TCF20: variants seen among roughly 807,000 people sequenced by gnomAD.
TCF20 encodes the protein SPRE-binding protein.
Under a neutral mutation model 148.6 loss-of-function variants are expected in TCF20, and 3 were observed. The observed-to-expected ratio is 0.02, with a 90% CI of 0.01 to 0.05. The LOEUF (loss-of-function observed/expected upper bound fraction) is 0.05. Ranked by LOEUF, TCF20 falls within the 10% of genes least tolerant of loss-of-function variation. TCF20 has a pLI of 1.00. For missense variants in TCF20, 2,350 were observed against 2,429.3 expected, an observed-to-expected ratio of 0.97 and a Z score of 0.69; for synonymous variants, 1,049 against 909.5, an observed-to-expected ratio of 1.15 and a Z score of -2.76.
At chr22:42,178,056 G>A (rs1347485899) in intron 3 of TCF20, among the ~76,000 whole-genome samples, 3 of 152,116 alleles carry the variant, frequency 2.0e-5, no homozygotes, top group Non-Finnish European at 4.4e-5. Context: ...ACATGATGAA[G>A]CCTCCAAAAA....
At chr22:42,241,762 G>A (rs993904570) in intron 1 of TCF20, among the ~76,000 whole-genome samples, 1 of 152,120 alleles carries the variant, frequency 6.6e-6, no homozygotes, top group Non-Finnish European at 1.5e-5. Flanking sequence ...AGGAGGCAGA[G>A]GGTGCAGTGA....
chr22:42,321,689 G>A (rs564513860), intron 1 of TCF20, among the ~76,000 whole-genome samples: 1 of 151,974 alleles, frequency 6.6e-6, no homozygotes, highest in East Asian at 1.9e-4. Context: ...ACTCACACCT[G>A]TAATCCTAGC....
At chr22:42,225,646 C>T (rs1278474811) in intron 1 of TCF20, among the ~76,000 whole-genome samples, 1 of 143,580 alleles carries the variant, frequency 7.0e-6, no homozygotes, top group East Asian at 2.1e-4. Context: ...AAAAAAATTA[C>T]AACCCTTGAA....
intron 1 of TCF20, among the ~76,000 whole-genome samples, chr22:42,253,213 A>C (rs1287205587): frequency 6.6e-6 from 1 of 152,194 alleles, no homozygotes; most frequent in Non-Finnish European, 1.5e-5. Flanking sequence ...AGAAACCTAC[A>C]CCATCTACTA....
chr22:42,174,311 C>T (rs145135663), intron 3 of TCF20, among the ~76,000 whole-genome samples: 156 of 152,322 alleles, frequency 1.0e-3, no homozygotes, highest in African/African-American at 3.6e-3. Flanking sequence ...TGAGCTAGAG[C>T]GTTTCCATCA....
rs1206271484 is a variant in TCF20 at position 42,338,458 on chromosome 22, TCCCGGCAG to T, written c.-37+5013_-37+5020del. ...GGGGGCCTCAGCAGAGCCCCGTCCC[TCCCGGCAG>T]CCCGGCCTGCAGGGGCCACTCGGCC... On this transcript the variant is annotated intron_variant, in intron 1 of 1. Coordinates refer to the TCF20 transcript ENST00000515426. This position sits in a 1 kb window ranked among gnomAD's most constrained non-coding sequence, Gnocchi z 4.0. 2.0e-5 allele frequency among the ~76,000 whole-genome samples: 3 copies of T among 152,074 alleles called. No homozygotes were observed. Among genetic ancestry groups the T allele is most frequent in the Non-Finnish European group, 2.9e-5 (2 of 68,006 alleles).
chr22:42,287,219 G>A (rs1472504216), upstream of TCF20, among the ~76,000 whole-genome samples: 3 of 152,192 alleles, frequency 2.0e-5, no homozygotes, highest in African/African-American at 7.2e-5. Flanking sequence ...GGAGCATGGT[G>A]GCTGAGCTAG....
Position 42,224,534 on chromosome 22 carries a change from C to CAAAAA in TCF20, c.-36-9198_-36-9194dup, listed in dbSNP as rs66858906. The stretch of plus-strand genomic sequence containing the variant: ...TGGTTAGGTTAGGCTAAAGCTGGTA[C>CAAAAA]AAAAAAAAAAAAAAAAAAAAAAAAA... On this transcript the variant is annotated intron_variant, in intron 1 of 5. Coordinates refer to ENST00000677622, the MANE Select transcript of TCF20 (RefSeq NM_001378418.1). 4.5e-4 allele frequency among the ~76,000 whole-genome samples: 18 copies of CAAAAA among 39,564 alleles called. 2 individuals are homozygous for CAAAAA. Among genetic ancestry groups the CAAAAA allele is most frequent in the African/African-American group, 9.7e-4 (10 of 10,362 alleles). The allele number at this position is 39,564 out of a possible 152,430, so 26.0% of individuals were successfully genotyped here.
Position 42,240,888 on chromosome 22 carries a change from C to G in TCF20, c.-36-25547G>C, listed in dbSNP as rs149876909. On this transcript the variant is annotated intron_variant, in intron 1 of 5. Coordinates refer to ENST00000677622, the MANE Select transcript of TCF20 (RefSeq NM_001378418.1). ...TTTTTTTCTGAGACAGAGTCTTGCT[C>G]TGTCCCCCCCAGGCTGGAGTGCAGT... 1.8e-4 allele frequency among the ~76,000 whole-genome samples: 28 copies of G among 152,050 alleles called. No individual in the cohort carries two copies. The East Asian group carries it at 5.4e-3, about 29-fold the overall frequency.
At chr22:42,180,241 A>C (rs1936705339) in intron 2 of TCF20, among the ~76,000 whole-genome samples, 1 of 152,210 alleles carries the variant, frequency 6.6e-6, no homozygotes, top group African/African-American at 2.4e-5. Context: ...AATGCCCAAT[A>C]CATTTCCCTT....
intron 1 of TCF20, among the ~76,000 whole-genome samples, chr22:42,341,003 C>T (rs113074965): frequency 6.6e-6 from 1 of 151,950 alleles, no homozygotes; most frequent in Admixed American, 6.5e-5. Flanking sequence ...CCCCGCGGAG[C>T]TGCGGGGCGC....
intron 1 of TCF20, among the ~76,000 whole-genome samples, chr22:42,343,307 G>C (rs1335806802): frequency 1.3e-5 from 2 of 152,140 alleles, no homozygotes; most frequent in Non-Finnish European, 2.9e-5. Flanking sequence ...CAGCAGGCGC[G>C]CGATAAGTGC....
At chr22:42,260,492 A>G (rs888403344) in intron 1 of TCF20, among the ~76,000 whole-genome samples, 3 of 152,184 alleles carry the variant, frequency 2.0e-5, no homozygotes, top group Non-Finnish European at 4.4e-5. Flanking sequence ...CAGTTCAGAT[A>G]AGAGGGTATG....
intron 2 of TCF20, among the ~76,000 whole-genome samples, chr22:42,185,561 T>TA (rs1265714527): frequency 6.6e-6 from 1 of 152,090 alleles, no homozygotes; most frequent in African/African-American, 2.4e-5. Flanking sequence ...CTCCTACATC[T>TA]AGGATGGAAG....
At chr22:42,296,440 G>A (rs552882064) in intron 1 of TCF20, among the ~76,000 whole-genome samples, 44 of 152,352 alleles carry the variant, frequency 2.9e-4, no homozygotes, top group African/African-American at 9.9e-4. Context: ...AGCTGTGCCC[G>A]GCTCCCCAAG....
intron 1 of TCF20, among the ~76,000 whole-genome samples, chr22:42,323,869 G>GAGGTGGTGGCGGAGGTTA (rs1927784143): frequency 3.0e-5 from 4 of 135,412 alleles, no homozygotes; most frequent in Non-Finnish European, 3.4e-5. Flanking sequence ...TATGGTGGTG[G>GAGGTGGTGGCGGAGGTTA]TGGTGGTGGT....
At chr22:42,315,760 G>A (rs1382732814) in intron 1 of TCF20, among the ~76,000 whole-genome samples, 1 of 152,184 alleles carries the variant, frequency 6.6e-6, no homozygotes, top group Non-Finnish European at 1.5e-5. Flanking sequence ...TGAACCAGAG[G>A]TAGCCCCAGG....
At chr22:42,208,500 A>G (rs555586693) in intron 2 of TCF20, among the ~76,000 whole-genome samples, 1 of 152,198 alleles carries the variant, frequency 6.6e-6, no homozygotes, top group East Asian at 1.9e-4. Context: ...GGTGGCACAC[A>G]CCTTTAGTCC....
rs10625678 is a variant in TCF20 at position 42,254,959 on chromosome 22, C to CAAAAAAAAAAAAA, written c.-37+15367_-37+15379dup. ...TGGGTGACACAGCAAGACTCCGTCT[C>CAAAAAAAAAAAAA]AAAAAAAAAAAAAAAAAAAAGGTAG... On this transcript the variant is annotated intron_variant, in intron 1 of 5. Transcript: ENST00000677622. Among the ~76,000 whole-genome samples, 165 of 62,808 alleles carry CAAAAAAAAAAAAA rather than the reference C, an allele frequency of 2.6e-3. 24 individuals are homozygous for CAAAAAAAAAAAAA. The highest frequency in any genetic ancestry group is 0.015 in the African/African-American group (159 of 10,456). The allele number at this position is 62,808 out of a possible 152,430, so 41.2% of individuals were successfully genotyped here.
Sources: gnomAD v4.1 joint callset for allele counts (sites outside exome capture counted in the v4.1 genomes callset) on GRCh38, gnomAD v4.1.1 for gene constraint, Gnocchi (gnomAD v3.1) non-coding constraint, MANE v1.5 for transcripts, NCBI Gene and HGNC (gene_info 2026-07-23, HGNC 2026-07-21) for gene names.